The following TAFA2 variants were observed in gnomAD, a reference collection of about 807,000 sequenced individuals.
The protein encoded by TAFA2 is chemokine-like protein TAFA-2.
Under a neutral mutation model 18.8 loss-of-function variants are expected in TAFA2, and 7 were observed. The ratio of observed to expected loss-of-function variants is 0.37; its 90% CI spans 0.21 to 0.70. The LOEUF is 0.70. Among genes scored for constraint, TAFA2 ranks in the 30% least tolerant of loss-of-function variants. The pLI, the probability that TAFA2 is intolerant of heterozygous loss-of-function variation, is 0.53. For missense variants in TAFA2, 122 were observed against 158.1 expected (o/e 0.77, Z 1.23); for synonymous variants, 60 against 54.2 (o/e 1.11, Z -0.47).
chr12:61,836,034 T>C (rs1872905860), intron 2 of TAFA2, among the ~76,000 whole-genome samples: 1 of 151,952 alleles, frequency 6.6e-6, no homozygotes, highest in African/African-American at 2.4e-5. Context: ...GAATATCTAA[T>C]GTCCTCCAGT....
At chr12:62,214,092 G>T (rs2062724282) in intron 1 of TAFA2, among the ~76,000 whole-genome samples, 2 of 152,144 alleles carry the variant, frequency 1.3e-5, no homozygotes, top group African/African-American at 4.8e-5. Flanking sequence ...AGATGCACCA[G>T]GTTAAGAAGG....
intron 1 of TAFA2, among the ~76,000 whole-genome samples, chr12:62,094,557 A>C (rs1221552163): frequency 1.3e-5 from 2 of 152,096 alleles, no homozygotes; most frequent in Non-Finnish European, 2.9e-5. Context: ...TTTTAAATGG[A>C]TAATAACAGA....
intron 1 of TAFA2, among the ~76,000 whole-genome samples, chr12:61,962,087 C>G (rs1878906229): frequency 6.6e-6 from 1 of 151,974 alleles, no homozygotes; most frequent in Non-Finnish European, 1.5e-5. Context: ...TTAAGGCCAA[C>G]AAAATGCCAT....
At chr12:61,986,288 C>T (rs138752705) in intron 1 of TAFA2, among the ~76,000 whole-genome samples, 9,516 of 150,780 alleles carry the variant, frequency 0.063, 397 homozygotes, top group Non-Finnish European at 0.096. Flanking sequence ...CTTCAGCCTC[C>T]GAGTAGCTGG....
rs181531400 is a variant in TAFA2 at position 61,715,333 on chromosome 12, A to C, written c.385-4916T>G. ...GGCCTGTAATCCCAATGCTTTAATTAATCTATTTATTTTTATTTTATTTTA... is the reference window on the plus strand; with the variant it reads ...GGCCTGTAATCCCAATGCTTTAATTCATCTATTTATTTTTATTTTATTTTA... On this transcript the variant is annotated intron_variant, in intron 4 of 4. Coordinates refer to ENST00000416284, the MANE Select transcript of TAFA2 (RefSeq NM_178539.5). Among the ~76,000 whole-genome samples, 187 of 151,956 alleles carry C rather than the reference A, an allele frequency of 1.2e-3. 2 individuals carry two copies. The highest frequency in any genetic ancestry group is 4.2e-3 in the African/African-American group (176 of 41,468).
At chr12:61,928,226 C>T (rs755248449) in intron 1 of TAFA2, among the ~76,000 whole-genome samples, 1 of 152,154 alleles carries the variant, frequency 6.6e-6, no homozygotes, top group Non-Finnish European at 1.5e-5. Flanking sequence ...TATAGGCAAC[C>T]TACAGAATGG....
At chr12:61,753,513 A>C in intron 4 of TAFA2, 109 bp downstream of exon 4, 1 of 1,026,400 alleles carries the variant, frequency 9.7e-7, no homozygotes. Flanking sequence ...ATATCTTGCA[A>C]AACTATACTC....
At chr12:62,049,584 T>G (rs900130995) in intron 1 of TAFA2, among the ~76,000 whole-genome samples, 2 of 152,114 alleles carry the variant, frequency 1.3e-5, no homozygotes, top group African/African-American at 4.8e-5. Context: ...CTGAGTTCAG[T>G]ATGAAGCAGG....
chr12:62,200,340 A>G (rs1311884275), intron 1 of TAFA2, among the ~76,000 whole-genome samples: 1 of 152,088 alleles, frequency 6.6e-6, no homozygotes, highest in African/African-American at 2.4e-5. Flanking sequence ...GTGCCTATGT[A>G]CTAAATGGTA....
chr12:62,178,082 T>C, intron 1 of TAFA2, among the ~76,000 whole-genome samples: 1 of 152,076 alleles, frequency 6.6e-6, no homozygotes, highest in South Asian at 2.1e-4. Context: ...AGAGGATCAC[T>C]TGAGGCCAGG....
intron 1 of TAFA2, among the ~76,000 whole-genome samples, chr12:62,089,129 G>A (rs55760731): frequency 0.12 from 17,665 of 152,044 alleles, 1,146 homozygotes; most frequent in Non-Finnish European, 0.14. Context: ...ACTGTTAAAC[G>A]AAATTAACAC....
At chr12:61,764,230 T>TGATTGATAGATA (rs1555163228) in intron 2 of TAFA2, among the ~76,000 whole-genome samples, 9 of 150,026 alleles carry the variant, frequency 6.0e-5, no homozygotes, top group Non-Finnish European at 7.4e-5. Context: ...GATGATTGAT[T>TGATTGATAGATA]GATAGATAGA....
intron 1 of TAFA2, among the ~76,000 whole-genome samples, chr12:62,120,886 G>A (rs560987946): frequency 7.9e-5 from 12 of 151,294 alleles, no homozygotes; most frequent in East Asian, 1.9e-4. Context: ...ATGGAGTTTC[G>A]CTCTTATTGC....
intron 1 of TAFA2, among the ~76,000 whole-genome samples, chr12:62,214,253 G>C (rs1372761808): frequency 6.6e-6 from 1 of 152,140 alleles, no homozygotes; most frequent in Non-Finnish European, 1.5e-5. Context: ...TGTTGTGGGA[G>C]GTAATTGAAT....
chr12:62,043,511 T>C (rs999908926), intron 1 of TAFA2, among the ~76,000 whole-genome samples: 13 of 152,106 alleles, frequency 8.5e-5, no homozygotes, highest in South Asian at 2.1e-4. Flanking sequence ...ACACCTAATG[T>C]TAAATGGCGA....
intron 1 of TAFA2, among the ~76,000 whole-genome samples, chr12:61,924,356 A>G (rs56090339): frequency 2.0e-5 from 3 of 152,200 alleles, no homozygotes; most frequent in Admixed American, 6.5e-5. Context: ...CGGGTTACCC[A>G]CAAAGGGAAG....
intron 1 of TAFA2, among the ~76,000 whole-genome samples, chr12:62,255,658 G>C (rs1382391860): frequency 6.6e-6 from 1 of 151,956 alleles, no homozygotes; most frequent in Non-Finnish European, 1.5e-5. Context: ...ATCGAGACCA[G>C]CCTGGCCAAC....
At chr12:61,783,113 A>G (rs1870576646) in intron 2 of TAFA2, among the ~76,000 whole-genome samples, 1 of 151,740 alleles carries the variant, frequency 6.6e-6, no homozygotes, top group Admixed American at 6.6e-5. Flanking sequence ...TTTGAAAACT[A>G]GCTACATAAA....
rs186194906 is a variant in TAFA2 at position 62,199,437 on chromosome 12, C to T, written c.-130+59326G>A. 1.8e-3 allele frequency among the ~76,000 whole-genome samples: 274 copies of T among 150,654 alleles called. 1 individual carries two copies. Among genetic ancestry groups the T allele is most frequent in the African/African-American group, 6.5e-3 (270 of 41,426 alleles). On this transcript the variant is annotated intron_variant, in intron 1 of 5. Transcript: ENST00000551619. ...ATGTGTTCACATTGTTCAGCTCCCA[C>T]TTATAAATGAGAACATGCGGTGTTT...
Sources: allele counts gnomAD v4.1 joint callset (sites outside exome capture counted in the v4.1 genomes callset), GRCh38; gene constraint gnomAD v4.1.1; transcripts MANE v1.5; gene names NCBI Gene and HGNC (gene_info 2026-07-23, HGNC 2026-07-21).